Variants in SCD5 observed in about 807,000 individuals in gnomAD.
SCD5 encodes the protein acyl-CoA-desaturase 4.
A neutral mutation model predicts 30.4 loss-of-function variants in SCD5; 20 were observed. The ratio of observed to expected loss-of-function variants is 0.66; its 90% confidence interval spans 0.46 to 0.96. The LOEUF is 0.96. Ranked by LOEUF, SCD5 falls within the 40% of genes least tolerant of loss-of-function variation. The probability of loss-of-function intolerance (pLI) is 0.00; values close to 1 mark genes in which losing one functional copy is unlikely to be tolerated. For missense variants in SCD5, 381 were observed against 443.3 expected (o/e 0.86, Z 1.26); for synonymous variants, 173 against 176.4 (o/e 0.98, Z 0.16).
At chr4:82,678,549 C>A (rs1007141269) in intron 3 of SCD5, among the ~76,000 whole-genome samples, 1 of 152,160 alleles carries the variant, frequency 6.6e-6, no homozygotes, top group Non-Finnish European at 1.5e-5. Context: ...TATATAGCAA[C>A]ATCATTTGTA....
At chr4:82,732,527 G>T (rs1464742565) in intron 1 of SCD5, among the ~76,000 whole-genome samples, 1 of 152,138 alleles carries the variant, frequency 6.6e-6, no homozygotes, top group African/African-American at 2.4e-5. Context: ...GTGGAAACAG[G>T]CCTACCCATC....
intron 1 of SCD5, among the ~76,000 whole-genome samples, chr4:82,723,283 A>C (rs1720407173): frequency 6.6e-6 from 1 of 152,154 alleles, no homozygotes; most frequent in South Asian, 2.1e-4. Context: ...AAAATAACTA[A>C]GTGGAATTCT....
At chr4:82,722,557 G>A (rs1466986648) in intron 1 of SCD5, among the ~76,000 whole-genome samples, 1 of 150,754 alleles carries the variant, frequency 6.6e-6, no homozygotes, top group African/African-American at 2.4e-5. Context: ...TGAGGTCAGG[G>A]GTTCGAGACC....
At chr4:82,708,471 A>C (rs564925985) in intron 1 of SCD5, among the ~76,000 whole-genome samples, 1 of 152,314 alleles carries the variant, frequency 6.6e-6, no homozygotes, top group Admixed American at 6.5e-5. Context: ...ACAGAGGTCA[A>C]GAAGAGCCTC....
chr4:82,782,568 CT>C (rs1329824286), intron 1 of SCD5, among the ~76,000 whole-genome samples: 3 of 152,056 alleles, frequency 2.0e-5, no homozygotes, highest in Non-Finnish European at 4.4e-5. Flanking sequence ...CTCCAGGGTC[CT>C]TTTTCACCTC....
At chr4:82,633,123 C>T (rs1248943331) in intron 4 of SCD5, among the ~76,000 whole-genome samples, 1 of 152,036 alleles carries the variant, frequency 6.6e-6, no homozygotes, top group Non-Finnish European at 1.5e-5. Context: ...AAATTTGTAC[C>T]CTTTGACCAA....
chr4:82,656,505 G>A (rs924548369), intron 3 of SCD5, among the ~76,000 whole-genome samples: 2 of 152,140 alleles, frequency 1.3e-5, no homozygotes, highest in African/African-American at 4.8e-5. Flanking sequence ...GCCTATAAAT[G>A]GGCATTTGGG....
chr4:82,642,866 T>C (rs1216315505), intron 3 of SCD5, among the ~76,000 whole-genome samples: 1 of 152,230 alleles, frequency 6.6e-6, no homozygotes. Context: ...CCCTTTATTC[T>C]TCCTCGTCCC....
At chr4:82,644,527 C>T (rs1727601701) in intron 3 of SCD5, among the ~76,000 whole-genome samples, 1 of 152,190 alleles carries the variant, frequency 6.6e-6, no homozygotes, top group Non-Finnish European at 1.5e-5. Context: ...GAATGACTAA[C>T]TGAATGATAT....
Position 82,712,273 on chromosome 4 carries a change from TATATATATATATATATATATATATTTTA to T in SCD5, c.233-6888_233-6861del, listed in dbSNP as rs1560540775. 1.0e-3 allele frequency among the ~76,000 whole-genome samples: 51 copies of T among 50,038 alleles called. 6 individuals carry two copies. Among genetic ancestry groups the T allele is most frequent in the African/African-American group, 6.7e-3 (51 of 7,626 alleles). The allele number at this position is 50,038 out of a possible 152,430, so 32.8% of individuals were successfully genotyped here. A position where few individuals can be genotyped will look rare whatever the true frequency, so the allele number is the denominator to read the frequency against. On this transcript the variant is annotated intron_variant, in intron 1 of 4. Transcript: ENST00000319540. ...ATATATATATATATATATATATATA[TATATATATATATATATATATATATTTTA>T]TTTTTATTTTATTTTTTTTTTTTGA... is the stretch of plus-strand genomic sequence containing the variant.
intron 2 of SCD5, among the ~76,000 whole-genome samples, chr4:82,687,162 C>A (rs1417010502): frequency 1.7e-5 from 2 of 116,950 alleles, no homozygotes; most frequent in Non-Finnish European, 1.7e-5. Context: ...CAGAGTAAGA[C>A]CTTGTTACAA....
intron 1 of SCD5, among the ~76,000 whole-genome samples, chr4:82,755,372 C>T (rs990304372): frequency 2.6e-5 from 4 of 151,828 alleles, no homozygotes; most frequent in Admixed American, 1.3e-4. Flanking sequence ...TGGTGGCACA[C>T]GCCTGTAATT....
At position 82,786,809 on chromosome 4, in the gene SCD5, AAAC is replaced by A. The variant is rs1187669270; in HGVS notation, c.232+11494_232+11496del. 4.0e-5 allele frequency among the ~76,000 whole-genome samples: 6 copies of A among 151,620 alleles called. No homozygotes were observed. In the East Asian group the frequency reaches 1.2e-3, roughly 29 times the overall value. On this transcript the variant is annotated intron_variant, in intron 1 of 4. Transcript: ENST00000319540. ...CTTTGCCTTAAAAAAAAAAAAAAAA[AAAC>A]AAGGCAATCTTCAAAAACTTCCCAA...
chr4:82,664,961 A>ATCTCTCTCTCTCTC (rs368839845), intron 3 of SCD5, among the ~76,000 whole-genome samples: 66 of 77,056 alleles, frequency 8.6e-4, no homozygotes, highest in Middle Eastern at 6.9e-3. Flanking sequence ...GCAAGACCCC[A>ATCTCTCTCTCTCTC]TCTCTCTCTC....
chr4:82,649,586 G>A (rs1727703445), intron 3 of SCD5, among the ~76,000 whole-genome samples: 1 of 152,162 alleles, frequency 6.6e-6, no homozygotes, highest in African/African-American at 2.4e-5. Context: ...TGAGCTGTGT[G>A]TGCCCTTAGG....
At chr4:82,762,431 C>A (rs574773859) in intron 1 of SCD5, among the ~76,000 whole-genome samples, 1 of 151,966 alleles carries the variant, frequency 6.6e-6, no homozygotes, top group Admixed American at 6.6e-5. Flanking sequence ...TTAGTAAAGA[C>A]GAGGTTTCAC....
At chr4:82,649,057 T>G (rs890904283) in intron 3 of SCD5, among the ~76,000 whole-genome samples, 2 of 152,146 alleles carry the variant, frequency 1.3e-5, no homozygotes, top group African/African-American at 4.8e-5. Flanking sequence ...AATTACTAGA[T>G]AGCTGAGTAG....
intron 1 of SCD5, among the ~76,000 whole-genome samples, chr4:82,740,120 TA>T (rs1180487236): frequency 6.6e-6 from 1 of 152,156 alleles, no homozygotes; most frequent in East Asian, 1.9e-4. Flanking sequence ...TAAGCACACA[TA>T]AAGCATCTAC....
In SCD5 at chr4:82,752,761, T is replaced by C. The variant is rs75746585; in HGVS notation, c.232+45545A>G. Among the ~76,000 whole-genome samples, 1,216 of 152,224 alleles carry C rather than the reference T, an allele frequency of 8.0e-3. 23 individuals carry two copies. Among genetic ancestry groups the C allele is most frequent in the African/African-American group, 0.027 (1,108 of 41,514 alleles). On this transcript the variant is annotated intron_variant, in intron 1 of 4. Transcript: ENST00000319540. ...CACGCTTCTCTCTCTTCCCCATTCT[T>C]CACACACACAGCTACATCTGTTTCC... is the stretch of plus-strand genomic sequence containing the variant.
Sources: allele counts gnomAD v4.1 joint callset (sites outside exome capture counted in the v4.1 genomes callset), GRCh38; gene constraint gnomAD v4.1.1; transcripts MANE v1.5; gene names NCBI Gene and HGNC (gene_info 2026-07-23, HGNC 2026-07-21).